Variants in PXMP4 observed in about 807,000 individuals in gnomAD.
PXMP4 encodes the protein peroxisomal membrane protein 4, also known as 24 kDa peroxisomal intrinsic membrane protein.
Under a neutral mutation model 21.6 loss-of-function variants are expected in PXMP4, and 16 were observed. The ratio of observed to expected loss-of-function variants is 0.74; its 90% CI spans 0.50 to 1.13. The LOEUF is 1.13. Ranked by LOEUF, PXMP4 falls within the 50% of genes most tolerant of loss-of-function variation. The pLI is 0.00. For missense variants in PXMP4, 240 were observed against 277.7 expected, an observed-to-expected ratio of 0.86 and a Z score of 0.96; for synonymous variants, 127 against 123.8, an observed-to-expected ratio of 1.03 and a Z score of -0.17.
rs1201351860 is a variant in PXMP4 at position 33,707,499 on chromosome 20, T to C, written c.*207A>G. 4.3e-6 allele frequency: 3 copies of C among 691,632 alleles called. No individual in the cohort carries two copies. The highest frequency in any genetic ancestry group is 3.0e-5 in the East Asian group (1 of 32,830). The allele number at this position is 691,632 out of a possible 1,614,324, so 42.8% of individuals were successfully genotyped here. ...CAGCTGCACAGCTGGAACCAAGCCG[T>C]AGATTCCTCAGCCTGATTCGGCCAC... On this transcript the variant is annotated 3_prime_UTR_variant, in exon 4 of 4. Coordinates refer to ENST00000409299, the MANE Select transcript of PXMP4 (RefSeq NM_007238.5).
intron 3 of PXMP4, among the ~76,000 whole-genome samples, chr20:33,708,386 T>C (rs1007185177): frequency 4.6e-5 from 7 of 151,870 alleles, no homozygotes; most frequent in African/African-American, 1.5e-4. Context: ...AGGGTTTCAA[T>C]GTGTTGGCCA....
chr20:33,714,811 CTTG>C, intron 1 of PXMP4, 75 bp from the exon 2 acceptor site: 1 of 1,418,858 alleles, frequency 7.0e-7, no homozygotes, highest in Non-Finnish European at 1.0e-6. Context: ...CTTTTGACCC[CTTG>C]TTCTCTCCCC....
At chr20:33,713,429 T>C (rs2018352505) in intron 2 of PXMP4, among the ~76,000 whole-genome samples, 1 of 152,218 alleles carries the variant, frequency 6.6e-6, no homozygotes, top group African/African-American at 2.4e-5. Flanking sequence ...CCTATTTAAT[T>C]CTGCAACCTG....
chr20:33,714,482 A>G (rs979279221), intron 2 of PXMP4, among the ~76,000 whole-genome samples, 192 bp downstream of exon 2: 8 of 152,006 alleles, frequency 5.3e-5, no homozygotes, highest in African/African-American at 1.9e-4. Context: ...TCATCACCGC[A>G]CTCTGACCTG....
intron 3 of PXMP4, among the ~76,000 whole-genome samples, chr20:33,708,509 G>C (rs2018288304): frequency 1.3e-5 from 2 of 149,928 alleles, no homozygotes; most frequent in Admixed American, 6.7e-5. Context: ...TATTTTTATT[G>C]CTTCTTTTCT....
rs2018315898 is a variant in PXMP4, at chr20:33,710,564, G to A, written c.366C>T (p.Ile122=). The A allele has an allele frequency of 1.2e-6, 2 of 1,608,124 alleles. No individual in the cohort carries two copies. Among genetic ancestry groups the A allele is most frequent in the Non-Finnish European group, 8.5e-7 (1 of 1,177,518 alleles). The part of the protein sequence containing the change: ...GILVFGENNN[I]NSQINMYLLS... ...TCGGGAGGATCTTTACCTGGCTGTT[G>A]ATGTTATTGTTTTCTCCAAACACCA... The change falls in exon 3 of 4, where the codon ATC becomes ATT. Residue 122 remains isoleucine (I), a synonymous_variant. Coordinates refer to ENST00000409299, the MANE Select transcript of PXMP4 (RefSeq NM_007238.5).
At chr20:33,717,526 G>C (rs2018395316) in intron 1 of PXMP4, among the ~76,000 whole-genome samples, 1 of 148,398 alleles carries the variant, frequency 6.7e-6, no homozygotes, top group South Asian at 2.1e-4. Flanking sequence ...TGTAGTCCCA[G>C]CTACTTGGGA....
Position 33,714,734 on chromosome 20 carries a change from T to C in PXMP4, c.116A>G (p.Tyr39Cys). 6.2e-7 allele frequency: 1 copy of C among 1,613,944 alleles called. No individual in the cohort carries two copies. Among genetic ancestry groups the C allele is most frequent in the Non-Finnish European group, 8.5e-7 (1 of 1,179,836 alleles). Residue 39 changes from tyrosine to cysteine, a missense_variant and splice_region_variant, in exon 2 of 4, where the codon TAT becomes TGT. Tyr to Cys is a radical substitution (Grantham distance 194). Coordinates refer to ENST00000409299, the MANE Select transcript of PXMP4 (RefSeq NM_007238.5). ...GTGAGGGGCCCGGATTTTGGCTCCATAGCTGTAGAAACAGAAGAAAACAGT... is the reference window on the plus strand; with the variant it reads ...GTGAGGGGCCCGGATTTTGGCTCCACAGCTGTAGAAACAGAAGAAAACAGT... ...VLKGFRNGAV[Y>C]GAKIRAPHAL...
chr20:33,714,668 G>A lies in PXMP4; in HGVS notation c.176+6C>T, dbSNP rs1475014394. The stretch of plus-strand genomic sequence containing the variant: ...CACATTCTCTCCCAGTTTGAGGGAT[G>A]TGTACCTGCCATTCCGGAAGAGAAA... On this transcript the variant is annotated splice_donor_region_variant and intron_variant, in intron 2 of 3. Coordinates refer to ENST00000409299, the MANE Select transcript of PXMP4 (RefSeq NM_007238.5). 1 of 1,613,426 alleles carries A rather than the reference G, an allele frequency of 6.2e-7. No individual in the cohort carries two copies. Among genetic ancestry groups the A allele is most frequent in the Non-Finnish European group, 8.5e-7 (1 of 1,179,446 alleles).
chr20:33,714,673 C>A lies in PXMP4; in HGVS notation c.176+1G>T, dbSNP rs1286280072. The A allele has an allele frequency of 3.1e-6, 5 of 1,613,856 alleles. No homozygotes were observed. Among genetic ancestry groups the A allele is most frequent in the Non-Finnish European group, 4.2e-6 (5 of 1,179,774 alleles). ...TCTCTCCCAGTTTGAGGGATGTGTA[C>A]CTGCCATTCCGGAAGAGAAAGGTCA... On this transcript the variant is annotated splice_donor_variant, in intron 2 of 3. Coordinates refer to ENST00000409299, the MANE Select transcript of PXMP4 (RefSeq NM_007238.5). LOFTEE classifies it high-confidence loss of function.
chr20:33,720,227 GT>G lies in PXMP4; in HGVS notation c.-21del. 6.3e-7 allele frequency: 1 copy of G among 1,596,216 alleles called. No homozygotes were observed. Among genetic ancestry groups the G allele is most frequent in the Non-Finnish European group, 8.5e-7 (1 of 1,171,156 alleles). On this transcript the variant is annotated 5_prime_UTR_variant, in exon 1 of 4. Coordinates refer to ENST00000409299, the MANE Select transcript of PXMP4 (RefSeq NM_007238.5). ...TGCCATAGTGCGGGCTGCGCGCAGG[GT>G]CGGGGTTAGGAACTGTAAGCGCACT...
rs372052430 is a variant in PXMP4 at position 33,720,070 on chromosome 20, A to G, written c.113+25T>C. On this transcript the variant is annotated intron_variant, in intron 1 of 3. Transcript: ENST00000409299. ...CCCAGGCAGGACATCCCTCAGCCCCAGCCCGGCCCGACGGCCCCACTCACA... is the reference window on the plus strand; with the variant it reads ...CCCAGGCAGGACATCCCTCAGCCCCGGCCCGGCCCGACGGCCCCACTCACA... 3.1e-6 allele frequency: 5 copies of G among 1,608,108 alleles called. No individual in the cohort carries two copies. The East Asian group carries it at 8.9e-5, about 29-fold the overall frequency.
chr20:33,707,772 C>T lies in PXMP4; in HGVS notation c.573G>A (p.Glu191=). ...SLQSSMTYLY[E]DSNVWHDISD... ...AGATGTCGTGCCATACATTGCTGTC[C>T]TCATAGAGGTAGGTCATGGAGGACT... The change falls in exon 4 of 4, where the codon GAG becomes GAA. Residue 191 remains glutamate (E), a synonymous_variant. Coordinates refer to ENST00000409299, the MANE Select transcript of PXMP4 (RefSeq NM_007238.5). 6.2e-7 allele frequency: 1 copy of T among 1,614,152 alleles called. No individual in the cohort carries two copies. The highest frequency in any genetic ancestry group is 1.1e-5 in the South Asian group (1 of 91,078).
intron 3 of PXMP4, among the ~76,000 whole-genome samples, chr20:33,709,086 G>A (rs1467657681): frequency 4.6e-5 from 7 of 152,166 alleles, no homozygotes; most frequent in Non-Finnish European, 1.0e-4. Context: ...CTGAGGTCAG[G>A]AGTTTCAGAC....
At position 33,708,509 on chromosome 20, in the gene PXMP4, GCTT is replaced by G. The variant is rs2018288359; in HGVS notation, c.376-543_376-541del. 2.0e-5 allele frequency among the ~76,000 whole-genome samples: 3 copies of G among 149,928 alleles called. No homozygotes were observed. In the South Asian group the frequency reaches 6.3e-4, roughly 32 times the overall value. On this transcript the variant is annotated intron_variant, in intron 3 of 3. Coordinates refer to ENST00000409299, the MANE Select transcript of PXMP4 (RefSeq NM_007238.5). ...CCTGATTTCTGCACTTATTTTTATT[GCTT>G]CTTTTCTTCAGCTTACTTTGGATGT...
In PXMP4 at chr20:33,703,910, G is replaced by A. The variant is rs1417177989; in HGVS notation, c.*3796C>T. The A allele has an allele frequency of 6.6e-6, 1 of 152,284 alleles. No homozygotes were observed. Among genetic ancestry groups the A allele is most frequent in the Non-Finnish European group, 1.5e-5 (1 of 68,118 alleles). The allele number at this position is 152,284 out of a possible 1,614,324, so 9.4% of individuals were successfully genotyped here. The stretch of plus-strand genomic sequence containing the variant: ...GCAAAGCTGGCTAGTGTGCACCAGA[G>A]TCGTTATTTAGAGGAGCTATAGGCA... On this transcript the variant is annotated 3_prime_UTR_variant, in exon 4 of 4. Transcript: ENST00000409299.
Position 33,714,780 on chromosome 20 carries a change from G to A in PXMP4, c.114-44C>T, listed in dbSNP as rs147507008. 3.8e-3 allele frequency: 5,978 copies of A among 1,585,150 alleles called. 33 individuals are homozygous for A. Among genetic ancestry groups the A allele is most frequent in the Non-Finnish European group, 3.5e-3 (4,001 of 1,153,808 alleles). On this transcript the variant is annotated intron_variant, in intron 1 of 3. Coordinates refer to ENST00000409299, the MANE Select transcript of PXMP4 (RefSeq NM_007238.5). Reference sequence around the variant, plus strand: ...ACAGTTACTATAATGTCACTGTGTCGCACTTTCTTTTTGGGCTGTCCTTTT... The same window carrying A: ...ACAGTTACTATAATGTCACTGTGTCACACTTTCTTTTTGGGCTGTCCTTTT...
intron 2 of PXMP4, among the ~76,000 whole-genome samples, chr20:33,714,145 G>A (rs1213274366): frequency 6.6e-6 from 1 of 152,222 alleles, no homozygotes; most frequent in Non-Finnish European, 1.5e-5. Context: ...GGGGTCAGCT[G>A]AGGCCAGACT....
At chr20:33,714,844 C>G (rs762239307) in intron 1 of PXMP4, 108 bp from the exon 2 acceptor site, 9 of 1,081,600 alleles carry the variant, frequency 8.3e-6, no homozygotes, top group Non-Finnish European at 1.3e-5. Context: ...ATTCTAACAC[C>G]ACTTTGGGAG....
Sources: gnomAD v4.1 joint callset for allele counts (sites outside exome capture counted in the v4.1 genomes callset) on GRCh38, gnomAD v4.1.1 for gene constraint, MANE v1.5 for transcripts, NCBI Gene and HGNC (gene_info 2026-07-23, HGNC 2026-07-21) for gene names.